The following MITF variants were observed in gnomAD, a reference collection of about 807,000 sequenced individuals.
The protein encoded by MITF is microphthalmia-associated transcription factor.
Under a neutral mutation model 60.5 loss-of-function variants are expected in MITF, and 17 were observed. The observed-to-expected ratio is 0.28, with a 90% CI of 0.19 to 0.42. The LOEUF is 0.42. MITF is among the 10% of genes least tolerant of loss of function. The probability of loss-of-function intolerance (pLI) is 1.00; values close to 1 mark genes in which losing one functional copy is unlikely to be tolerated. For missense variants in MITF, 622 were observed against 683.5 expected (o/e 0.91, Z 1.00); for synonymous variants, 260 against 248.5 (o/e 1.05, Z -0.43).
intron 2 of MITF, among the ~76,000 whole-genome samples, chr3:69,890,974 C>A (rs2064746573): frequency 6.6e-6 from 1 of 152,096 alleles, no homozygotes; most frequent in Non-Finnish European, 1.5e-5. Context: ...GCTATGACCT[C>A]CAGAAAGAAA....
intron 1 of MITF, among the ~76,000 whole-genome samples, chr3:69,859,064 G>A (rs1204055095): frequency 2.6e-5 from 4 of 152,212 alleles, no homozygotes; most frequent in Admixed American, 6.5e-5. Flanking sequence ...CTCATAAGTC[G>A]AATGCCTTAC....
chr3:69,916,812 TTG>T, intron 2 of MITF, among the ~76,000 whole-genome samples: 1 of 152,304 alleles, frequency 6.6e-6, no homozygotes, highest in South Asian at 2.1e-4. Flanking sequence ...ACCTTGGATG[TTG>T]TGAGTCAGTT....
At chr3:69,781,973 CA>C (rs2062572594) in intron 1 of MITF, among the ~76,000 whole-genome samples, 1 of 152,268 alleles carries the variant, frequency 6.6e-6, no homozygotes, top group Admixed American at 6.5e-5. Context: ...TCATTTGGAA[CA>C]GACACTAACA....
At chr3:69,906,354 G>A (rs547781779) in intron 2 of MITF, among the ~76,000 whole-genome samples, 49 of 152,222 alleles carry the variant, frequency 3.2e-4, no homozygotes, top group African/African-American at 1.0e-3. Context: ...AGTGTAGCAA[G>A]TAAGTCTTGG....
chr3:69,785,239 G>A lies in MITF; in HGVS notation c.104+45538G>A, dbSNP rs373116390. 1.9e-4 allele frequency among the ~76,000 whole-genome samples: 29 copies of A among 151,712 alleles called. No homozygotes were observed. In the East Asian group the frequency reaches 4.3e-3, roughly 22 times the overall value. ...GCTGAGTGGAGCAGTGAGTCACGGC[G>A]TGCTGCGGCAGTGGTGTCCTGAAAT... On this transcript the variant is annotated intron_variant, in intron 1 of 9. Transcript: ENST00000352241.
chr3:69,899,297 G>A (rs1208801308), intron 2 of MITF, among the ~76,000 whole-genome samples: 1 of 152,232 alleles, frequency 6.6e-6, no homozygotes, highest in Non-Finnish European at 1.5e-5. Flanking sequence ...GTGAAGAGCA[G>A]TGATGAGAAT....
intron 2 of MITF, among the ~76,000 whole-genome samples, chr3:69,915,024 T>C (rs979690621): frequency 1.3e-5 from 2 of 152,192 alleles, no homozygotes; most frequent in Non-Finnish European, 2.9e-5. Flanking sequence ...AGTAGGTTCT[T>C]CATAGGTTCT....
chr3:69,951,065 T>C (rs17006615), intron 6 of MITF, among the ~76,000 whole-genome samples: 2,406 of 151,266 alleles, frequency 0.016, 58 homozygotes, highest in African/African-American at 0.055. Context: ...GTGAACTAGT[T>C]AGAAGAGACA....
At chr3:69,913,098 A>G (rs1376235702) in intron 2 of MITF, among the ~76,000 whole-genome samples, 1 of 152,174 alleles carries the variant, frequency 6.6e-6, no homozygotes, top group Non-Finnish European at 1.5e-5. Flanking sequence ...AAAAATATGT[A>G]TCATGTAACC....
intron 1 of MITF, among the ~76,000 whole-genome samples, chr3:69,744,613 G>A (rs1486365297): frequency 6.6e-6 from 1 of 152,218 alleles, no homozygotes; most frequent in Non-Finnish European, 1.5e-5. Context: ...CTCAGTAAAT[G>A]TTAGCAGATG....
chr3:69,957,127 C>G (rs1203419694), intron 8 of MITF, among the ~76,000 whole-genome samples: 1 of 152,132 alleles, frequency 6.6e-6, no homozygotes, highest in Admixed American at 6.5e-5. Context: ...CACCCTGTCC[C>G]CTTCAGAGAT....
chr3:69,949,280 T>C (rs1428365911), intron 6 of MITF, 112 bp downstream of exon 6: 3 of 808,994 alleles, frequency 3.7e-6, no homozygotes, highest in Non-Finnish European at 6.5e-6. Flanking sequence ...GACGTAACTT[T>C]TATAGGTCTC....
intron 6 of MITF, among the ~76,000 whole-genome samples, chr3:69,951,556 T>G (rs192806472): frequency 6.6e-6 from 1 of 152,282 alleles, no homozygotes; most frequent in Admixed American, 6.5e-5. Flanking sequence ...TACAGTGTGC[T>G]ATATATAATT....
chr3:69,829,470 T>G (rs773087079), intron 1 of MITF, among the ~76,000 whole-genome samples: 4 of 152,212 alleles, frequency 2.6e-5, no homozygotes, highest in Non-Finnish European at 4.4e-5. Context: ...TTGATCCACT[T>G]TTTTCTAGAT....
intron 9 of MITF, among the ~76,000 whole-genome samples, chr3:69,963,010 C>T (rs758228029): frequency 6.6e-5 from 10 of 152,104 alleles, no homozygotes; most frequent in Non-Finnish European, 8.8e-5. Flanking sequence ...GTCTTTTTTC[C>T]TGTGTGTGTC....
intron 1 of MITF, among the ~76,000 whole-genome samples, chr3:69,749,272 G>C (rs1322196653): frequency 6.6e-6 from 1 of 152,186 alleles, no homozygotes; most frequent in Non-Finnish European, 1.5e-5. Context: ...TATGTCATTG[G>C]TCAAATTGTA....
chr3:69,759,012 C>T (rs2062171242), intron 1 of MITF, among the ~76,000 whole-genome samples: 1 of 152,082 alleles, frequency 6.6e-6, no homozygotes, highest in Admixed American at 6.6e-5. Flanking sequence ...GCTATTGGTG[C>T]TAAAGATACA....
intron 3 of MITF, chr3:69,938,252 A>G: frequency 8.4e-7 from 1 of 1,189,448 alleles, no homozygotes; most frequent in Non-Finnish European, 1.2e-6. Flanking sequence ...ACATGACGGG[A>G]GACCTGGCCC....
At chr3:69,871,959 CT>C (rs1299515867) in intron 1 of MITF, among the ~76,000 whole-genome samples, 7 of 152,146 alleles carry the variant, frequency 4.6e-5, no homozygotes, top group African/African-American at 1.4e-4. Context: ...TCTCAAAGCC[CT>C]TTAAAACATG....
Sources: allele counts gnomAD v4.1 joint callset (sites outside exome capture counted in the v4.1 genomes callset), GRCh38; gene constraint gnomAD v4.1.1; transcripts MANE v1.5; gene names NCBI Gene and HGNC (gene_info 2026-07-23, HGNC 2026-07-21).